The following CAMK4 variants were observed in gnomAD, a reference collection of about 807,000 sequenced individuals.
CAMK4 encodes the protein calcium/calmodulin-dependent protein kinase type IV.
In CAMK4, 22 loss-of-function variants were observed where a neutral mutation model predicts 44.9. The observed-to-expected ratio is 0.49, with a 90% CI of 0.35 to 0.70. The LOEUF (loss-of-function observed/expected upper bound fraction) is 0.70. Ranked by LOEUF, CAMK4 falls within the 30% of genes least tolerant of loss-of-function variation. CAMK4 has a pLI of 0.01. For missense variants in CAMK4, 498 were observed against 586.8 expected, an observed-to-expected ratio of 0.85 and a Z score of 1.56; for synonymous variants, 218 against 215.4, an observed-to-expected ratio of 1.01 and a Z score of -0.11.
intron 1 of CAMK4, among the ~76,000 whole-genome samples, chr5:111,291,447 CATCCTT>C (rs1193526262): frequency 6.6e-6 from 1 of 152,174 alleles, no homozygotes; most frequent in Non-Finnish European, 1.5e-5. Context: ...AATTTTTACT[CATCCTT>C]ATGTCGTCAT....
At chr5:111,406,963 T>A (rs1448603846) in intron 5 of CAMK4, among the ~76,000 whole-genome samples, 1 of 152,236 alleles carries the variant, frequency 6.6e-6, no homozygotes, top group Non-Finnish European at 1.5e-5. Context: ...TAGGTTTCAG[T>A]TGATTTAATT....
intron 2 of CAMK4, among the ~76,000 whole-genome samples, chr5:111,350,218 A>G (rs934605021): frequency 1.3e-5 from 2 of 152,074 alleles, no homozygotes; most frequent in Non-Finnish European, 2.9e-5. Flanking sequence ...TTCCCACCAC[A>G]TAGGAAGCAT....
chr5:111,236,460 T>C (rs1354320133), intron 1 of CAMK4, among the ~76,000 whole-genome samples: 1 of 152,260 alleles, frequency 6.6e-6, no homozygotes, highest in Non-Finnish European at 1.5e-5. Flanking sequence ...AGGCTCAGAA[T>C]GGTGAAGCAC....
At chr5:111,383,145 A>C (rs998018324) in intron 4 of CAMK4, among the ~76,000 whole-genome samples, 8 of 152,194 alleles carry the variant, frequency 5.3e-5, no homozygotes, top group Non-Finnish European at 1.2e-4. Context: ...GAAGGAGCTC[A>C]TAAGAAAGAG....
chr5:111,439,122 C>T (rs531117680), intron 5 of CAMK4, among the ~76,000 whole-genome samples: 1 of 152,100 alleles, frequency 6.6e-6, no homozygotes, highest in African/African-American at 2.4e-5. Context: ...CCTCGCCCCT[C>T]GAGAGTTTGT....
chr5:111,446,559 CTTA>C (rs1423066898), intron 5 of CAMK4, 124 bp from the exon 6 acceptor site: 16 of 573,702 alleles, frequency 2.8e-5, no homozygotes, highest in Non-Finnish European at 4.7e-5. Context: ...CTTTATGGTA[CTTA>C]TTGTTAAGTC....
intron 4 of CAMK4, among the ~76,000 whole-genome samples, chr5:111,387,964 T>C (rs1374876021): frequency 1.3e-5 from 2 of 152,216 alleles, no homozygotes; most frequent in African/African-American, 4.8e-5. Flanking sequence ...ATGACTTGAG[T>C]TCATTGCTAT....
intron 1 of CAMK4, among the ~76,000 whole-genome samples, chr5:111,289,238 C>T (rs747371220): frequency 2.1e-4 from 32 of 151,998 alleles, no homozygotes; most frequent in Admixed American, 1.7e-3. Flanking sequence ...CCCAGCTATT[C>T]GGGAGGCTGA....
chr5:111,435,531 C>T (rs765806547), intron 5 of CAMK4, among the ~76,000 whole-genome samples: 31 of 152,148 alleles, frequency 2.0e-4, no homozygotes, highest in Non-Finnish European at 3.8e-4. Flanking sequence ...CAATCAGCTT[C>T]TCTGGACAAT....
In CAMK4 at chr5:111,261,888, C is replaced by G. The variant is rs944140796; in HGVS notation, c.161+37244C>G. On this transcript the variant is annotated intron_variant, in intron 1 of 10. Coordinates refer to ENST00000282356, the MANE Select transcript of CAMK4 (RefSeq NM_001744.6). ...CTTCTTAAAAGTATTTTTTTTTCCT[C>G]TTTACATGCTTAGCCATTGTCCAGA... 2.6e-5 allele frequency among the ~76,000 whole-genome samples: 4 copies of G among 151,628 alleles called. No individual in the cohort carries two copies. In the South Asian group the frequency reaches 8.3e-4, roughly 31 times the overall value.
chr5:111,398,989 CA>C (rs1341562411), intron 5 of CAMK4, among the ~76,000 whole-genome samples: 1 of 152,136 alleles, frequency 6.6e-6, no homozygotes, highest in Non-Finnish European at 1.5e-5. Flanking sequence ...AACCTACTTC[CA>C]CTCCATTCCC....
intron 5 of CAMK4, among the ~76,000 whole-genome samples, chr5:111,426,447 G>A (rs1753228581): frequency 6.6e-6 from 1 of 152,068 alleles, no homozygotes; most frequent in South Asian, 2.1e-4. Context: ...TAAGATTTGG[G>A]GCAGAGAAAG....
intron 1 of CAMK4, among the ~76,000 whole-genome samples, chr5:111,339,493 C>T (rs944847416): frequency 1.3e-5 from 2 of 151,272 alleles, no homozygotes; most frequent in African/African-American, 4.8e-5. Context: ...TATTCCTTCC[C>T]CATTATGTGT....
rs1580699606 is a variant in CAMK4, at chr5:111,397,693, T to TGTGTGTGTG, written c.459+2911_459+2912insGTGTGTGTG. On this transcript the variant is annotated intron_variant, in intron 5 of 10. Transcript: ENST00000282356. ...TGTGTGTGTGTGTGTGTGTGTGTGT[T>TGTGTGTGTG]TGCAGTTTACCCACCTGGATTCATG... is the stretch of plus-strand genomic sequence containing the variant. Among the ~76,000 whole-genome samples the TGTGTGTGTG allele has an allele frequency of 6.2e-4, 68 of 109,306 alleles. 1 individual carries two copies. Among genetic ancestry groups the TGTGTGTGTG allele is most frequent in the African/African-American group, 1.3e-3 (32 of 23,954 alleles). 71.7% of individuals were successfully genotyped at this position (109,306 alleles called of 152,430 possible).
chr5:111,409,286 C>G (rs1752547836), intron 5 of CAMK4, among the ~76,000 whole-genome samples: 1 of 152,232 alleles, frequency 6.6e-6, no homozygotes, highest in South Asian at 2.1e-4. Context: ...CTTCTGTGCA[C>G]CCACAGGCTC....
intron 5 of CAMK4, among the ~76,000 whole-genome samples, chr5:111,432,265 G>A (rs941750468): frequency 3.3e-5 from 5 of 152,112 alleles, no homozygotes; most frequent in African/African-American, 1.2e-4. Flanking sequence ...AAAAACAAAC[G>A]TTGCATGTTT....
intron 2 of CAMK4, among the ~76,000 whole-genome samples, chr5:111,347,541 A>C (rs560361216): frequency 6.6e-6 from 1 of 152,086 alleles, no homozygotes; most frequent in African/African-American, 2.4e-5. Context: ...TTTTTCTTTT[A>C]TCTCCATGCT....
At chr5:111,419,635 G>T (rs909406900) in intron 5 of CAMK4, among the ~76,000 whole-genome samples, 8 of 152,134 alleles carry the variant, frequency 5.3e-5, no homozygotes, top group South Asian at 2.1e-4. Context: ...GTGTAAGGAA[G>T]GGATCCAGTT....
intron 1 of CAMK4, among the ~76,000 whole-genome samples, chr5:111,287,369 G>C (rs1751280601): frequency 6.6e-6 from 1 of 152,016 alleles, no homozygotes; most frequent in African/African-American, 2.4e-5. Flanking sequence ...AATATAGTTA[G>C]AGTTTAGAAA....
Sources: allele counts gnomAD v4.1 joint callset (sites outside exome capture counted in the v4.1 genomes callset), GRCh38; gene constraint gnomAD v4.1.1; transcripts MANE v1.5; gene names NCBI Gene and HGNC (gene_info 2026-07-23, HGNC 2026-07-21).